Variants in NCALD observed in about 807,000 individuals in gnomAD.
NCALD encodes the protein neurocalcin delta.
Under a neutral mutation model 18.6 loss-of-function variants are expected in NCALD, and 10 were observed. The observed-to-expected ratio is 0.54, with a 90% confidence interval of 0.33 to 0.91. NCALD has a LOEUF of 0.91. Ranked by LOEUF, NCALD falls within the 40% of genes least tolerant of loss-of-function variation. The probability of loss-of-function intolerance (pLI) is 0.03; values close to 1 mark genes in which losing one functional copy is unlikely to be tolerated. For missense variants in NCALD, 184 were observed against 247.6 expected (o/e 0.74, Z 1.72); for synonymous variants, 88 against 87.4 (o/e 1.01, Z -0.04).
intron 1 of NCALD, among the ~76,000 whole-genome samples, chr8:102,056,440 T>G (rs1158932657): frequency 7.2e-5 from 11 of 152,222 alleles, no homozygotes; most frequent in African/African-American, 2.7e-4. Flanking sequence ...TACAGACCCT[T>G]GCACACCTAC....
chr8:101,905,172 C>A (rs1207428359), intron 3 of NCALD, among the ~76,000 whole-genome samples: 2 of 152,176 alleles, frequency 1.3e-5, no homozygotes, highest in Non-Finnish European at 2.9e-5. Flanking sequence ...TCTCCATTCT[C>A]TAACTTCTTC....
chr8:102,014,086 A>C (rs1821997202), intron 2 of NCALD, among the ~76,000 whole-genome samples: 1 of 152,212 alleles, frequency 6.6e-6, no homozygotes, highest in African/African-American at 2.4e-5. Flanking sequence ...ACCAATATGG[A>C]GAGGGCAGAA....
chr8:101,850,970 T>C (rs972445363), intron 4 of NCALD, among the ~76,000 whole-genome samples: 1 of 152,188 alleles, frequency 6.6e-6, no homozygotes, highest in Non-Finnish European at 1.5e-5. Flanking sequence ...CCAAATGCAT[T>C]TGAGAAAATA....
chr8:101,963,763 G>C (rs1477472637), intron 2 of NCALD, among the ~76,000 whole-genome samples: 3 of 152,054 alleles, frequency 2.0e-5, no homozygotes, highest in Admixed American at 6.6e-5. Flanking sequence ...ATTCAAATGA[G>C]GGCATCACAA....
intron 1 of NCALD, among the ~76,000 whole-genome samples, chr8:101,770,672 A>G (rs1006535524): frequency 3.3e-5 from 5 of 152,214 alleles, no homozygotes; most frequent in Admixed American, 6.5e-5. Flanking sequence ...GGCAAGTAGC[A>G]CAGACTTCCA....
chr8:101,810,665 G>A (rs751417531), intron 4 of NCALD, among the ~76,000 whole-genome samples: 1 of 152,008 alleles, frequency 6.6e-6, no homozygotes, highest in African/African-American at 2.4e-5. Flanking sequence ...CAAGAGAGAG[G>A]AAATAGGACA....
chr8:101,689,245 T>C lies in NCALD; in HGVS notation c.*64A>G. 1 of 1,495,612 alleles carries C rather than the reference T, an allele frequency of 6.7e-7. No individual in the cohort carries two copies. The highest frequency in any genetic ancestry group is 2.1e-5 in the Admixed American group (1 of 47,966). 92.6% of individuals were successfully genotyped at this position (1,495,612 alleles called of 1,614,324 possible). A position where few individuals can be genotyped will look rare whatever the true frequency, so the allele number is the denominator to read the frequency against. ...TTGTTTGGCAAAAAAAAAAAAAAATTGTTAAAAAGAAGAATCAAAAGGGAA... is the reference window on the plus strand; with the variant it reads ...TTGTTTGGCAAAAAAAAAAAAAAATCGTTAAAAAGAAGAATCAAAAGGGAA... On this transcript the variant is annotated 3_prime_UTR_variant, in exon 4 of 4. Coordinates refer to ENST00000220931, the MANE Select transcript of NCALD (RefSeq NM_032041.3). This position sits in a 1 kb window ranked among gnomAD's most constrained non-coding sequence, Gnocchi z 4.4.
intron 1 of NCALD, among the ~76,000 whole-genome samples, chr8:102,102,302 C>T (rs1825308998): frequency 6.6e-6 from 1 of 152,188 alleles, no homozygotes. Context: ...ATTTCAAATA[C>T]GGCAACGAGG....
At chr8:101,952,896 G>A (rs147273377) in intron 2 of NCALD, among the ~76,000 whole-genome samples, 1 of 152,266 alleles carries the variant, frequency 6.6e-6, no homozygotes, top group East Asian at 1.9e-4. Context: ...GACAGAGCTG[G>A]CTGTCAGAGG....
chr8:101,947,782 C>T (rs984789348), intron 2 of NCALD, among the ~76,000 whole-genome samples: 5 of 152,200 alleles, frequency 3.3e-5, no homozygotes, highest in African/African-American at 9.7e-5. Context: ...GAAAAGGTTT[C>T]CACTTTCAGT....
intron 1 of NCALD, among the ~76,000 whole-genome samples, chr8:102,034,282 C>A (rs1400467076): frequency 5.9e-5 from 9 of 152,194 alleles, no homozygotes; most frequent in African/African-American, 2.2e-4. Context: ...GAATTAACAT[C>A]ATCAACATAT....
intron 4 of NCALD, among the ~76,000 whole-genome samples, chr8:101,851,429 C>T (rs943305244): frequency 3.3e-5 from 5 of 152,010 alleles, no homozygotes; most frequent in Admixed American, 6.5e-5. Flanking sequence ...AGCATTGTCA[C>T]CCACAGCTCT....
chr8:101,843,717 G>C (rs1281169281), intron 4 of NCALD, among the ~76,000 whole-genome samples: 1 of 151,738 alleles, frequency 6.6e-6, no homozygotes. Flanking sequence ...GAATAGCTGG[G>C]ATTACAGGCG....
At chr8:101,947,759 G>A (rs1819232640) in intron 2 of NCALD, among the ~76,000 whole-genome samples, 1 of 152,146 alleles carries the variant, frequency 6.6e-6, no homozygotes, top group Admixed American at 6.5e-5. Context: ...GAAAAATCAA[G>A]GAAGACTTCT....
At chr8:101,845,493 T>C (rs947368218) in intron 4 of NCALD, among the ~76,000 whole-genome samples, 9 of 152,234 alleles carry the variant, frequency 5.9e-5, no homozygotes, top group African/African-American at 2.2e-4. Context: ...ATTGGTCCCA[T>C]TGAAGCTCAA....
intron 1 of NCALD, among the ~76,000 whole-genome samples, chr8:101,721,638 T>C (rs925873715): frequency 2.0e-5 from 3 of 152,122 alleles, no homozygotes; most frequent in African/African-American, 4.8e-5. Flanking sequence ...TATCTCACGC[T>C]ACTCAAACTG....
intron 4 of NCALD, among the ~76,000 whole-genome samples, chr8:101,851,553 A>T (rs1181257617): frequency 6.6e-6 from 1 of 152,206 alleles, no homozygotes; most frequent in Non-Finnish European, 1.5e-5. Flanking sequence ...AATGATGGCA[A>T]CACAATGTTA....
intron 4 of NCALD, among the ~76,000 whole-genome samples, chr8:101,807,788 T>A (rs60115259): frequency 6.6e-6 from 1 of 152,330 alleles, no homozygotes; most frequent in African/African-American, 2.4e-5. Flanking sequence ...ACATAGCACT[T>A]TCACAATTCT....
chr8:101,779,587 A>G (rs1173131596), intron 1 of NCALD, among the ~76,000 whole-genome samples: 3 of 152,194 alleles, frequency 2.0e-5, no homozygotes, highest in African/African-American at 7.2e-5. Flanking sequence ...TCTCTGGTCA[A>G]AGGGGAAGGT....
Sources: allele counts gnomAD v4.1 joint callset (sites outside exome capture counted in the v4.1 genomes callset), GRCh38; gene constraint gnomAD v4.1.1; non-coding constraint Gnocchi (gnomAD v3.1); transcripts MANE v1.5; gene names NCBI Gene and HGNC (gene_info 2026-07-23, HGNC 2026-07-21).